The following RBM6 variants were observed in gnomAD, a reference collection of about 807,000 sequenced individuals.
The protein encoded by RBM6 is RNA-binding protein 6.
A neutral mutation model predicts 140.4 loss-of-function variants in RBM6; 23 were observed. That is an observed-to-expected ratio of 0.16 (90% CI 0.12 to 0.23). The LOEUF (loss-of-function observed/expected upper bound fraction) is 0.23. RBM6 is among the 10% of genes least tolerant of loss of function. RBM6 has a pLI of 1.00. For missense variants in RBM6, 1,139 were observed against 1,386.7 expected (o/e 0.82, Z 2.84); for synonymous variants, 439 against 475.6 (o/e 0.92, Z 1.00).
rs146384372 is a variant in RBM6 at position 49,967,957 on chromosome 3, C to T, written c.532C>T (p.Arg178Trp). The change falls in exon 3 of 21, where the codon CGG becomes TGG. Residue 178 changes from arginine (R) to tryptophan (W), a missense_variant. Transcript: ENST00000266022. This position sits in a 1 kb window ranked among gnomAD's most constrained non-coding sequence, Gnocchi z 4.0. Reference protein sequence around the residue: ...RDAPPSDFRGRGTYDLDFRGR... With the variant: ...RDAPPSDFRGWGTYDLDFRGR... The stretch of plus-strand genomic sequence containing the variant: ...TGCTCCTCCATCTGACTTCAGGGGC[C>T]GGGGCACTTATGATTTAGATTTTAG... 64 of 1,614,040 alleles carry T rather than the reference C, an allele frequency of 4.0e-5. No individual in the cohort carries two copies. Among genetic ancestry groups the T allele is most frequent in the Admixed American group, 1.2e-4 (7 of 59,996 alleles).
At chr3:49,956,515 A>G (rs2083996986) in intron 1 of RBM6, among the ~76,000 whole-genome samples, 1 of 151,552 alleles carries the variant, frequency 6.6e-6, no homozygotes, top group Non-Finnish European at 1.5e-5. Flanking sequence ...TATTTTTAAT[A>G]GAGATGGGGT....
At position 49,990,509 on chromosome 3, in the gene RBM6, C is replaced by G. The variant is rs373114507; in HGVS notation, c.1484-8931C>G. On this transcript the variant is annotated intron_variant, in intron 5 of 20. Transcript: ENST00000266022. ...TTGATCAAAATGTAGTTAAGCAGCA[C>G]ATGGCTGTAATTAAAACACTATTGT... 1.2e-4 allele frequency among the ~76,000 whole-genome samples: 18 copies of G among 152,330 alleles called. No individual in the cohort carries two copies. In the East Asian group the frequency reaches 2.3e-3, roughly 20 times the overall value.
intron 1 of RBM6, among the ~76,000 whole-genome samples, chr3:49,954,660 C>T (rs1383980349): frequency 6.6e-6 from 1 of 151,926 alleles, no homozygotes; most frequent in African/African-American, 2.4e-5. Flanking sequence ...ATTACTGTAG[C>T]TTTGTGGTGA....
chr3:50,050,740 C>T lies in RBM6; in HGVS notation c.1632+2421C>T, dbSNP rs115531939. Among the ~76,000 whole-genome samples, 1,066 of 152,174 alleles carry T rather than the reference C, an allele frequency of 7.0e-3. 15 individuals are homozygous for T. The highest frequency in any genetic ancestry group is 0.024 in the African/African-American group (1,015 of 41,504). On this transcript the variant is annotated intron_variant, in intron 7 of 20. Coordinates refer to ENST00000266022, the MANE Select transcript of RBM6 (RefSeq NM_005777.3). ...CTGCTTGCCAACATTTGTTCTTTTCCCTTTATTTGATAATAGCCATCCTAA... is the reference window on the plus strand; with the variant it reads ...CTGCTTGCCAACATTTGTTCTTTTCTCTTTATTTGATAATAGCCATCCTAA...
In RBM6 at chr3:49,953,063, T is replaced by C. The variant is rs921524930; in HGVS notation, c.-66-9513T>C. ...GTGCGCAGCTTACCTTTTCTTCTTT[T>C]CTTTTTTTTTGAGGCAGGGTCTTGC... On this transcript the variant is annotated intron_variant, in intron 1 of 20. Coordinates refer to ENST00000266022, the MANE Select transcript of RBM6 (RefSeq NM_005777.3). Among the ~76,000 whole-genome samples the C allele has an allele frequency of 6.6e-5, 7 of 105,964 alleles. 1 individual carries two copies. In the East Asian group the frequency reaches 1.4e-3, roughly 21 times the overall value. The allele number at this position is 105,964 out of a possible 152,430, so 69.5% of individuals were successfully genotyped here. A position where few individuals can be genotyped will look rare whatever the true frequency, so the allele number is the denominator to read the frequency against.
At chr3:50,006,230 G>A (rs1575668417) in intron 6 of RBM6, among the ~76,000 whole-genome samples, 2 of 151,468 alleles carry the variant, frequency 1.3e-5, no homozygotes, top group Middle Eastern at 6.8e-3. Flanking sequence ...CCGCCTCCTG[G>A]GTTCAAGTGA....
intron 6 of RBM6, among the ~76,000 whole-genome samples, chr3:50,002,182 G>T (rs937508059): frequency 4.6e-5 from 7 of 151,992 alleles, no homozygotes; most frequent in African/African-American, 1.7e-4. Flanking sequence ...CCGCCACCCG[G>T]GTTCCAGAGA....
At chr3:50,041,635 G>A (rs924828751) in intron 6 of RBM6, among the ~76,000 whole-genome samples, 3 of 152,134 alleles carry the variant, frequency 2.0e-5, no homozygotes, top group South Asian at 2.1e-4. Flanking sequence ...CTGCAGGTCC[G>A]TTTGACATGG....
At chr3:50,005,010 C>G (rs1006187641) in intron 6 of RBM6, among the ~76,000 whole-genome samples, 4 of 152,092 alleles carry the variant, frequency 2.6e-5, no homozygotes, top group African/African-American at 9.7e-5. Flanking sequence ...TGTGAAAATT[C>G]CTTTAAACAT....
At chr3:49,954,310 C>T (rs1020375155) in intron 1 of RBM6, among the ~76,000 whole-genome samples, 9 of 151,778 alleles carry the variant, frequency 5.9e-5, no homozygotes, top group Non-Finnish European at 8.8e-5. Context: ...CGTGGTGGCA[C>T]GTGCCTGTAG....
At position 50,065,144 on chromosome 3, in the gene RBM6, C is replaced by T. The variant is rs2090077939; in HGVS notation, c.2682+18C>T. ...CCCCTCCAGTAAGACCAACATTGAT[C>T]CCCTGGACCTAGGGCTGGGGCTGGG... On this transcript the variant is annotated intron_variant, in intron 16 of 20. Coordinates refer to ENST00000266022, the MANE Select transcript of RBM6 (RefSeq NM_005777.3). 6.3e-7 allele frequency: 1 copy of T among 1,577,022 alleles called. No homozygotes were observed. The highest frequency in any genetic ancestry group is 1.4e-5 in the African/African-American group (1 of 73,790).
rs754180376 is a variant in RBM6 at position 50,048,233 on chromosome 3, T to A, written c.1558-12T>A. On this transcript the variant is annotated splice_polypyrimidine_tract_variant and intron_variant, in intron 6 of 20. Transcript: ENST00000266022. ...GGGTTGATGTTGATGGCTTCTGTCTTTGTCTTTACAGGGAACTCTAATGAT... is the reference window on the plus strand; with the variant it reads ...GGGTTGATGTTGATGGCTTCTGTCTATGTCTTTACAGGGAACTCTAATGAT... The A allele has an allele frequency of 6.2e-7, 1 of 1,612,066 alleles. No individual in the cohort carries two copies. Among genetic ancestry groups the A allele is most frequent in the South Asian group, 1.1e-5 (1 of 90,574 alleles).
chr3:50,039,070 T>A (rs1273022283), intron 6 of RBM6, among the ~76,000 whole-genome samples: 4 of 148,788 alleles, frequency 2.7e-5, no homozygotes, highest in Non-Finnish European at 5.9e-5. Context: ...TTTATTTCAT[T>A]GCTATGTGAT....
rs191250112 is a variant in RBM6, at chr3:49,961,345, G to C, written c.-66-1231G>C. Among the ~76,000 whole-genome samples, 374 of 151,922 alleles carry C rather than the reference G, an allele frequency of 2.5e-3. 1 individual carries two copies. The highest frequency in any genetic ancestry group is 4.6e-3 in the Non-Finnish European group (312 of 67,934). On this transcript the variant is annotated intron_variant, in intron 1 of 20. Coordinates refer to ENST00000266022, the MANE Select transcript of RBM6 (RefSeq NM_005777.3). ...CACCTGCCTAGCCTCCCAAAGTTCT[G>C]GTAATTTTTGTATTTTTTGTAGAGA... is the stretch of plus-strand genomic sequence containing the variant.
chr3:50,065,266 C>T, intron 16 of RBM6, 140 bp downstream of exon 16: 1 of 657,206 alleles, frequency 1.5e-6, no homozygotes, highest in Non-Finnish European at 2.6e-6. Context: ...ATTCCCATTT[C>T]TTTTGAGTAC....
chr3:49,982,265 T>TTC (rs1325038059), intron 5 of RBM6, among the ~76,000 whole-genome samples: 4 of 124,524 alleles, frequency 3.2e-5, no homozygotes, highest in African/African-American at 1.3e-4. Flanking sequence ...TTCTTTTCTT[T>TTC]TTTTTTTTTT....
At chr3:50,014,256 C>T (rs1184006048) in intron 6 of RBM6, among the ~76,000 whole-genome samples, 2 of 152,158 alleles carry the variant, frequency 1.3e-5, no homozygotes, top group South Asian at 4.1e-4. Context: ...GACTACCAGT[C>T]ACGAGCTTAG....
chr3:50,025,668 T>A (rs1318717226), intron 6 of RBM6, among the ~76,000 whole-genome samples: 8 of 148,108 alleles, frequency 5.4e-5, no homozygotes, highest in Non-Finnish European at 1.2e-4. Flanking sequence ...TAAGCCGTCC[T>A]CCTGCTTCAG....
At chr3:49,992,399 T>C (rs951195049) in intron 5 of RBM6, among the ~76,000 whole-genome samples, 1 of 152,230 alleles carries the variant, frequency 6.6e-6, no homozygotes, top group South Asian at 2.1e-4. Context: ...ATGTTGTTAG[T>C]ATACACTAGA....
Sources: gnomAD v4.1 joint callset for allele counts (sites outside exome capture counted in the v4.1 genomes callset) on GRCh38, gnomAD v4.1.1 for gene constraint, Gnocchi (gnomAD v3.1) non-coding constraint, MANE v1.5 for transcripts, NCBI Gene and HGNC (gene_info 2026-07-23, HGNC 2026-07-21) for gene names.